ZNF69: variants seen among roughly 807,000 people sequenced by gnomAD.
ZNF69 encodes the protein zinc finger protein 69.
ZNF69 carries 47 observed loss-of-function variants against 50.9 expected under a neutral mutation model. The observed-to-expected ratio is 0.92, with a 90% CI of 0.73 to 1.18. ZNF69 has a LOEUF of 1.18. Among genes scored for constraint, ZNF69 ranks in the 50% most tolerant of loss-of-function variants. The probability of loss-of-function intolerance (pLI) is 0.00; values close to 1 mark genes in which losing one functional copy is unlikely to be tolerated. For synonymous variants in ZNF69, 216 were observed against 223.1 expected (o/e 0.97, Z 0.29); for missense variants, 717 against 675.1 (o/e 1.06, Z -0.69).
At chr19:11,888,262 G>A (rs1343911356) in intron 1 of ZNF69, among the ~76,000 whole-genome samples, 1 of 152,248 alleles carries the variant, frequency 6.6e-6, no homozygotes, top group East Asian at 1.9e-4. Context: ...TACCCAGATT[G>A]TGCGGGGGCC....
At chr19:11,932,365 A>G in the ZNF69 span, among the ~76,000 whole-genome samples, 2 of 148,056 alleles carry the variant, frequency 1.4e-5, no homozygotes, top group Non-Finnish European at 2.9e-5. Context: ...AAAGACACAA[A>G]AAAATTAGTT....
chr19:11,907,364 C>T (rs902997822), downstream of ZNF69, among the ~76,000 whole-genome samples: 10 of 152,076 alleles, frequency 6.6e-5, no homozygotes, highest in Non-Finnish European at 1.2e-4. Flanking sequence ...CTCCAAGACA[C>T]ATAATTGTCA....
At chr19:11,978,829 A>G in the ZNF69 span, 112 of 1,614,196 alleles carry the variant, frequency 6.9e-5, 2 homozygotes, top group South Asian at 1.1e-3. Context: ...TTTCAAATAC[A>G]TGAAAGAACT....
chr19:11,888,640 T>C (rs1038645648), intron 1 of ZNF69, among the ~76,000 whole-genome samples: 6 of 152,096 alleles, frequency 3.9e-5, no homozygotes, highest in South Asian at 2.1e-4. Flanking sequence ...AATCATGAAT[T>C]AGTGCCTGGA....
the ZNF69 span, among the ~76,000 whole-genome samples, chr19:11,970,827 A>C: frequency 6.6e-6 from 1 of 152,174 alleles, no homozygotes; most frequent in South Asian, 2.1e-4. Context: ...GCTACCTGGG[A>C]GGCTGAGGCA....
At chr19:11,973,305 A>C in the ZNF69 span, among the ~76,000 whole-genome samples, 1 of 152,170 alleles carries the variant, frequency 6.6e-6, no homozygotes, top group Admixed American at 6.5e-5. Context: ...GTAAGTGGCC[A>C]TTTCAGACTT....
chr19:11,946,486 A>G, the ZNF69 span, among the ~76,000 whole-genome samples: 12 of 152,048 alleles, frequency 7.9e-5, no homozygotes, highest in Admixed American at 3.3e-4. Context: ...TCCCTTTGCC[A>G]CTAACACTGC....
downstream of ZNF69, chr19:11,914,385 C>T (rs190872134): frequency 3.3e-5 from 5 of 151,956 alleles, no homozygotes; most frequent in East Asian, 7.7e-4. Flanking sequence ...CCTGTTTTTG[C>T]CTTACTTATT....
chr19:11,921,709 G>C, the ZNF69 span, among the ~76,000 whole-genome samples: 1 of 151,770 alleles, frequency 6.6e-6, no homozygotes, highest in East Asian at 1.9e-4. Context: ...CACCATCTTG[G>C]CCAGGCTAGT....
At chr19:11,965,070 T>C in the ZNF69 span, 16 of 1,050,054 alleles carry the variant, frequency 1.5e-5, no homozygotes, top group East Asian at 2.7e-5. Context: ...GCGCAGCCGG[T>C]GGTTGATATC....
In ZNF69 at chr19:11,903,687, C is replaced by A; in HGVS notation, c.178C>A (p.Leu60Met). 6.2e-7 allele frequency: 1 copy of A among 1,614,092 alleles called. No individual in the cohort carries two copies. The highest frequency in any genetic ancestry group is 1.1e-5 in the South Asian group (1 of 91,088). ...KEVMLETFRN[L>M]TSVGKSWKDQ... ...AGTGATGCTGGAAACTTTCAGGAAC[C>A]TGACCTCTGTAGGTAAGGATGACAT... The change falls in exon 2 of 4, where the codon CTG (leucine) becomes ATG (methionine). Residue 60 changes from leucine (L) to methionine (M), a missense_variant. By Grantham distance (15) the Leu-to-Met change is conservative. Transcript: ENST00000429654.
the ZNF69 span, among the ~76,000 whole-genome samples, chr19:11,941,323 G>A: frequency 6.6e-6 from 1 of 152,252 alleles, no homozygotes; most frequent in Non-Finnish European, 1.5e-5. Flanking sequence ...GTGGTTGATG[G>A]GACTGGGTGC....
the ZNF69 span, among the ~76,000 whole-genome samples, chr19:11,967,638 C>T: frequency 2.0e-5 from 3 of 152,066 alleles, no homozygotes; most frequent in Non-Finnish European, 4.4e-5. Context: ...CTCCTGACCT[C>T]GTGATCCACC....
chr19:11,964,379 T>C, the ZNF69 span, among the ~76,000 whole-genome samples: 1 of 152,192 alleles, frequency 6.6e-6, no homozygotes, highest in Non-Finnish European at 1.5e-5. Context: ...TGTTTGTATA[T>C]ATAAAGAGAA....
intron 1 of ZNF69, among the ~76,000 whole-genome samples, chr19:11,898,776 G>T (rs1309152301): frequency 6.6e-6 from 1 of 152,134 alleles, no homozygotes; most frequent in Non-Finnish European, 1.5e-5. Context: ...AAAGCAGGAG[G>T]ATAGCTTGGA....
At chr19:11,967,748 T>C in the ZNF69 span, among the ~76,000 whole-genome samples, 2 of 152,168 alleles carry the variant, frequency 1.3e-5, no homozygotes, top group Non-Finnish European at 2.9e-5. Context: ...GAAGGAATGT[T>C]CTCTGTTACA....
the ZNF69 span, chr19:11,979,005 A>T: frequency 6.2e-7 from 1 of 1,614,228 alleles, no homozygotes; most frequent in East Asian, 2.2e-5. Flanking sequence ...ACATGAAAGG[A>T]CCCACTCTGC....
At chr19:11,944,834 T>C in the ZNF69 span, among the ~76,000 whole-genome samples, 1 of 152,250 alleles carries the variant, frequency 6.6e-6, no homozygotes, top group African/African-American at 2.4e-5. Flanking sequence ...ATGTGAGATG[T>C]AGAAGTACCG....
chr19:11,962,467 C>T, the ZNF69 span, among the ~76,000 whole-genome samples: 1 of 152,128 alleles, frequency 6.6e-6, no homozygotes, highest in South Asian at 2.1e-4. Flanking sequence ...CTCAAGGGAT[C>T]CTCCTGCCTT....
Sources: gnomAD v4.1 joint callset for allele counts (sites outside exome capture counted in the v4.1 genomes callset) on GRCh38, gnomAD v4.1.1 for gene constraint, MANE v1.5 for transcripts, NCBI Gene and HGNC (gene_info 2026-07-23, HGNC 2026-07-21) for gene names.